HTT: variants seen among roughly 807,000 people sequenced by gnomAD.
The protein encoded by HTT is huntington disease protein.
A neutral mutation model predicts 362.3 loss-of-function variants in HTT; 104 were observed. That is an observed-to-expected ratio of 0.29 (90% CI 0.24 to 0.34). HTT has a LOEUF of 0.34. Among genes scored for constraint, HTT ranks in the 10% least tolerant of loss-of-function variants. HTT has a pLI of 1.00. For synonymous variants in HTT, 1,577 were observed against 1,548.7 expected, an observed-to-expected ratio of 1.02 and a Z score of -0.43; for missense variants, 3,301 against 3,928.6, an observed-to-expected ratio of 0.84 and a Z score of 4.27.
In HTT at chr4:3,228,520, C is replaced by A; in HGVS notation, c.7849-95C>A. 7.2e-7 allele frequency: 1 copy of A among 1,383,646 alleles called. No homozygotes were observed. Among genetic ancestry groups the A allele is most frequent in the Non-Finnish European group, 9.8e-7 (1 of 1,024,016 alleles). 85.7% of individuals were successfully genotyped at this position (1,383,646 alleles called of 1,614,324 possible). On this transcript the variant is annotated intron_variant, in intron 57 of 66. Transcript: ENST00000355072. The surrounding 1 kb of genome is among the most constrained non-coding windows in gnomAD (Gnocchi z 4.3). ...CCTTGCTAAGGGGCAGACTGTTAGA[C>A]GGTAGGCATGTGCTGAGTCCCAGTG...
At chr4:3,212,457 A>G (rs1228193722) in intron 48 of HTT, 107 bp from the exon 49 acceptor site, 1 of 1,388,312 alleles carries the variant, frequency 7.2e-7, no homozygotes, top group African/African-American at 1.4e-5. Context: ...ACTGAGGAAC[A>G]ATGTCTTGAG....
chr4:3,194,459 G>A (rs1280688124), intron 40 of HTT, among the ~76,000 whole-genome samples: 1 of 152,212 alleles, frequency 6.6e-6, no homozygotes, highest in Non-Finnish European at 1.5e-5. Context: ...AGGCCCAGGA[G>A]GTGGAAACAT....
At chr4:3,090,929 C>T (rs562370285) in intron 2 of HTT, among the ~76,000 whole-genome samples, 10 of 152,192 alleles carry the variant, frequency 6.6e-5, no homozygotes, top group South Asian at 2.1e-4. Flanking sequence ...TGGACCAGTG[C>T]GGTGAAACAC....
At chr4:3,101,792 C>T (rs1005024783) in intron 3 of HTT, among the ~76,000 whole-genome samples, 1 of 152,168 alleles carries the variant, frequency 6.6e-6, no homozygotes, top group South Asian at 2.1e-4. Flanking sequence ...ATAAAGTCTC[C>T]GTTCTGTGAG....
chr4:3,131,761 C>A lies in HTT; in HGVS notation c.2222C>A (p.Thr741Asn), dbSNP rs1560561570. 2 of 1,613,686 alleles carry A rather than the reference C, an allele frequency of 1.2e-6. No homozygotes were observed. The highest frequency in any genetic ancestry group is 1.7e-6 in the Non-Finnish European group (2 of 1,179,732). Residue 741 changes from threonine (T) to asparagine (N), a missense_variant, in exon 16 of 67, where the codon ACC becomes AAC. Physicochemically the swap from Thr to Asn is moderately conservative, Grantham distance 65. Coordinates refer to ENST00000355072, the MANE Select transcript of HTT (RefSeq NM_001388492.1). Reference sequence around the variant, plus strand: ...AAACTCTATAAAGTTCCTCTTGACACCACGGAATACCCTGGTATGTTAAAA... The same window carrying A: ...AAACTCTATAAAGTTCCTCTTGACAACACGGAATACCCTGGTATGTTAAAA... ...FSKLYKVPLDTTEYPEEQYVS... is the reference protein window; with the variant it reads ...FSKLYKVPLDNTEYPEEQYVS...
intron 37 of HTT, among the ~76,000 whole-genome samples, chr4:3,184,395 TGTG>T (rs537803194): frequency 1.5e-4 from 22 of 151,384 alleles, no homozygotes; most frequent in Admixed American, 1.3e-3. Flanking sequence ...TTTGCGCTGA[TGTG>T]GTGTAGGTTT....
chr4:3,099,843 A>AAGTGCTCTTGTATGGTTTGGAGGTGCT (rs1714062293), intron 3 of HTT, among the ~76,000 whole-genome samples: 4 of 136,016 alleles, frequency 2.9e-5, no homozygotes, highest in African/African-American at 1.1e-4. Context: ...TATGGTTTGG[A>AAGTGCTCTTGTATGGTTTGGAGGTGCT]AGTGCTCTTG....
At chr4:3,134,375 C>G in intron 18 of HTT, 26 bp from the exon 19 acceptor site, 5 of 1,606,880 alleles carry the variant, frequency 3.1e-6, no homozygotes, top group Non-Finnish European at 4.2e-6. Context: ...ACCTGCTGTC[C>G]TCTTGCCTTG....
Position 3,218,835 on chromosome 4 carries a change from G to A in HTT, c.7242+883G>A, listed in dbSNP as rs1031458363. On this transcript the variant is annotated intron_variant, in intron 52 of 66. Coordinates refer to ENST00000355072, the MANE Select transcript of HTT (RefSeq NM_001388492.1). The surrounding 1 kb of genome is among the most constrained non-coding windows in gnomAD (Gnocchi z 4.4). The stretch of plus-strand genomic sequence containing the variant: ...CATCCTCAGGCAGGAAAGAAAGGCC[G>A]ACCTGGCAGGGTGTGAGCCAGCAGG... Among the ~76,000 whole-genome samples the A allele has an allele frequency of 2.6e-5, 4 of 152,190 alleles. No individual in the cohort carries two copies. The highest frequency in any genetic ancestry group is 4.4e-5 in the Non-Finnish European group (3 of 68,034).
chr4:3,166,615 A>G (rs1717719900), intron 29 of HTT, among the ~76,000 whole-genome samples: 1 of 152,218 alleles, frequency 6.6e-6, no homozygotes, highest in African/African-American at 2.4e-5. Context: ...CACTGTGAGC[A>G]TAGAACCACC....
At chr4:3,185,617 A>T (rs944201777) in intron 37 of HTT, among the ~76,000 whole-genome samples, 3 of 152,202 alleles carry the variant, frequency 2.0e-5, no homozygotes, top group Admixed American at 2.0e-4. Context: ...ATTTTGCATG[A>T]TTAAAAATGT....
chr4:3,217,843 A>G lies in HTT; in HGVS notation c.7133A>G (p.His2378Arg), dbSNP rs1417854355. Residue 2378 changes from histidine (H) to arginine (R), a missense_variant, in exon 52 of 67, where the codon CAT becomes CGT. By Grantham distance (29) the His-to-Arg change is conservative. Transcript: ENST00000355072. ...ESLQSVLALG[H>R]KRNSGVPAFL... is the part of the protein sequence containing the mutation. ...CTGCAGTCGGTGTTGGCCTTGGGTC[A>G]TAAAAGGAATAGCGGCGTGCCGGCG... 1.2e-6 allele frequency: 2 copies of G among 1,614,130 alleles called. No individual in the cohort carries two copies. Among genetic ancestry groups the G allele is most frequent in the Non-Finnish European group, 8.5e-7 (1 of 1,180,026 alleles).
intron 26 of HTT, among the ~76,000 whole-genome samples, chr4:3,151,897 C>T (rs1430479902): frequency 2.0e-5 from 3 of 152,100 alleles, no homozygotes; most frequent in Admixed American, 6.6e-5. Flanking sequence ...CTGCACTAGC[C>T]TTTTGTTTTG....
chr4:3,106,092 C>T (rs1193517426), intron 5 of HTT, among the ~76,000 whole-genome samples: 7 of 152,274 alleles, frequency 4.6e-5, no homozygotes, highest in South Asian at 4.2e-4. Context: ...TTATATGGGT[C>T]GGGCATAGTG....
Position 3,214,256 on chromosome 4 carries a change from T to C in HTT, c.6952+121T>C, listed in dbSNP as rs185797886. 1.3e-3 allele frequency: 881 copies of C among 667,780 alleles called. 10 individuals carry two copies. The highest frequency in any genetic ancestry group is 1.7e-4 in the Non-Finnish European group (77 of 458,890). The allele number at this position is 667,780 out of a possible 1,614,324, so 41.4% of individuals were successfully genotyped here. Reference sequence around the variant, plus strand: ...TAGGAATTGGGGATGGAGAGGTAGATAAAATATGCATCAGGAAGGGCTGGG... The same window carrying C: ...TAGGAATTGGGGATGGAGAGGTAGACAAAATATGCATCAGGAAGGGCTGGG... On this transcript the variant is annotated intron_variant, in intron 50 of 66. Transcript: ENST00000355072.
intron 2 of HTT, among the ~76,000 whole-genome samples, chr4:3,097,817 AAATC>A (rs752784303): frequency 6.6e-6 from 1 of 152,234 alleles, no homozygotes; most frequent in Non-Finnish European, 1.5e-5. Context: ...TTAAATGTAA[AAATC>A]AATATTTAGT....
intron 27 of HTT, among the ~76,000 whole-genome samples, chr4:3,155,484 C>T (rs1717094437): frequency 6.6e-6 from 1 of 151,616 alleles, no homozygotes; most frequent in East Asian, 2.0e-4. Context: ...CTCAGCCTCT[C>T]AAAGTGCTGG....
intron 65 of HTT, 98 bp downstream of exon 65, chr4:3,238,707 G>A (rs919331173): frequency 1.4e-5 from 21 of 1,458,536 alleles, no homozygotes; most frequent in South Asian, 1.0e-4. Flanking sequence ...CAGCTCCTCC[G>A]CTTTAAAGCA....
At chr4:3,139,540 C>A (rs1037904470) in intron 21 of HTT, among the ~76,000 whole-genome samples, 8 of 152,208 alleles carry the variant, frequency 5.3e-5, no homozygotes, top group Non-Finnish European at 1.2e-4. Context: ...TACTCATGAT[C>A]AAGTCTCCAT....
Sources: allele counts gnomAD v4.1 joint callset (sites outside exome capture counted in the v4.1 genomes callset), GRCh38; gene constraint gnomAD v4.1.1; non-coding constraint Gnocchi (gnomAD v3.1); transcripts MANE v1.5; gene names NCBI Gene and HGNC (gene_info 2026-07-23, HGNC 2026-07-21).